The following FAM3B variants were observed in gnomAD, a reference collection of about 807,000 sequenced individuals.
FAM3B encodes FAM3 metabolism regulating signaling molecule B.
In FAM3B, 29 loss-of-function variants were observed where a neutral mutation model predicts 28.4. The ratio of observed to expected loss-of-function variants is 1.02; its 90% confidence interval spans 0.76 to 1.39. The LOEUF (loss-of-function observed/expected upper bound fraction) is 1.39. FAM3B is among the 40% of genes most tolerant of loss of function. The pLI, the probability that FAM3B is intolerant of heterozygous loss-of-function variation, is 0.00. For missense variants in FAM3B, 266 were observed against 293.9 expected (o/e 0.91, Z 0.69); for synonymous variants, 91 against 103.0 (o/e 0.88, Z 0.71).
chr21:41,304,245 C>A (rs375799000), exon 1 of FAM3B: 1 of 455,758 alleles, frequency 2.2e-6, no homozygotes, highest in Non-Finnish European at 4.4e-6. Context: ...CTGGGCTCGG[C>A]GGGCATGGCT....
intron 1 of FAM3B, chr21:41,319,472 CT>C (rs2088781790): frequency 6.6e-6 from 1 of 152,254 alleles, no homozygotes; most frequent in Non-Finnish European, 1.5e-5. Flanking sequence ...AGGCAGGATC[CT>C]GGTTTCAAAA....
chr21:41,311,802 A>G (rs1195151764), upstream of FAM3B, among the ~76,000 whole-genome samples: 2 of 152,168 alleles, frequency 1.3e-5, no homozygotes, highest in Non-Finnish European at 2.9e-5. Flanking sequence ...AATTGTGTGT[A>G]TTAGTCCATT....
intron 2 of FAM3B, among the ~76,000 whole-genome samples, chr21:41,324,452 G>C (rs950532433): frequency 6.6e-6 from 1 of 152,170 alleles, no homozygotes; most frequent in African/African-American, 2.4e-5. Flanking sequence ...CACAGGAACA[G>C]GGAAGAAACA....
At chr21:41,335,461 A>C (rs972226152) in intron 2 of FAM3B, among the ~76,000 whole-genome samples, 2 of 152,078 alleles carry the variant, frequency 1.3e-5, no homozygotes, top group African/African-American at 4.8e-5. Context: ...GTGAATTTTC[A>C]TGAGACGTGG....
chr21:41,320,164 A>C (rs2088789167), intron 1 of FAM3B: 1 of 152,172 alleles, frequency 6.6e-6, no homozygotes, highest in African/African-American at 2.4e-5. Context: ...GCTGGAGTGC[A>C]ATATTGCAAT....
intron 1 of FAM3B, among the ~76,000 whole-genome samples, chr21:41,307,551 A>C (rs1388603387): frequency 1.3e-5 from 2 of 152,220 alleles, no homozygotes; most frequent in African/African-American, 4.8e-5. Context: ...TGCCTTCCTC[A>C]CTAAGCTTAA....
chr21:41,333,478 T>C (rs388656), intron 2 of FAM3B, among the ~76,000 whole-genome samples: 16,791 of 152,282 alleles, frequency 0.11, 1,701 homozygotes, highest in African/African-American at 0.27. Context: ...CTCTTGTTTC[T>C]GCTCTGGCCA....
chr21:41,316,292 A>G (rs1287383586), upstream of FAM3B, among the ~76,000 whole-genome samples: 5 of 152,176 alleles, frequency 3.3e-5, no homozygotes, highest in Admixed American at 3.3e-4. Flanking sequence ...TGAATTCATC[A>G]TCCTGGCAGT....
At chr21:41,320,619 G>C (rs770504854) in intron 1 of FAM3B, 1 of 152,212 alleles carries the variant, frequency 6.6e-6, no homozygotes, top group Admixed American at 6.6e-5. Context: ...ATGATGTCCC[G>C]ATCCCAGTGC....
intron 3 of FAM3B, among the ~76,000 whole-genome samples, chr21:41,342,566 A>C (rs1170375686): frequency 6.6e-6 from 1 of 152,126 alleles, no homozygotes; most frequent in East Asian, 1.9e-4. Context: ...GTTGTTTTCC[A>C]TTCACTAATT....
chr21:41,334,099 G>A (rs560587215), intron 2 of FAM3B, among the ~76,000 whole-genome samples: 3 of 152,232 alleles, frequency 2.0e-5, no homozygotes, highest in South Asian at 4.1e-4. Flanking sequence ...AATAACCTGC[G>A]CTTATAAGTG....
chr21:41,356,040 TACACACACACACACACACACACACAC>T (rs59345837), intron 7 of FAM3B, among the ~76,000 whole-genome samples: 1 of 119,888 alleles, frequency 8.3e-6, no homozygotes, highest in Non-Finnish European at 1.8e-5. Flanking sequence ...AAAAAATACA[TACACACACACACACACACACACACAC>T]ACACACACAC....
At chr21:41,306,227 C>T (rs1040023665) in intron 1 of FAM3B, among the ~76,000 whole-genome samples, 1 of 152,194 alleles carries the variant, frequency 6.6e-6, no homozygotes. Context: ...TTTGCTGTAA[C>T]TGAAGTTACA....
At chr21:41,341,080 T>G (rs1568919980) in intron 3 of FAM3B, among the ~76,000 whole-genome samples, 1 of 152,242 alleles carries the variant, frequency 6.6e-6, no homozygotes, top group Admixed American at 6.5e-5. Flanking sequence ...TTTATATCCT[T>G]TCTTACATAA....
At chr21:41,348,865 C>T (rs947083314) in intron 7 of FAM3B, 141 bp downstream of exon 7, 26 of 919,442 alleles carry the variant, frequency 2.8e-5, no homozygotes, top group East Asian at 5.1e-5. Context: ...GCATTAGATC[C>T]GGACAGAAGT....
intron 3 of FAM3B, among the ~76,000 whole-genome samples, chr21:41,342,940 TGAG>T (rs1417265371): frequency 6.6e-6 from 1 of 152,246 alleles, no homozygotes; most frequent in Non-Finnish European, 1.5e-5. Flanking sequence ...TATCTTCTTC[TGAG>T]GAATTATCTT....
chr21:41,357,284 C>G lies in FAM3B; in HGVS notation c.*87C>G, dbSNP rs1269929944. On this transcript the variant is annotated 3_prime_UTR_variant, in exon 8 of 8. Coordinates refer to ENST00000357985, the MANE Select transcript of FAM3B (RefSeq NM_058186.4). ...ATCTTATTTTTCTAAATCCAACAGCCCATATTTGATGAGTATTTTGGGTTT... is the reference window on the plus strand; with the variant it reads ...ATCTTATTTTTCTAAATCCAACAGCGCATATTTGATGAGTATTTTGGGTTT... 2.2e-6 allele frequency: 2 copies of G among 890,288 alleles called. No individual in the cohort carries two copies. Among genetic ancestry groups the G allele is most frequent in the Non-Finnish European group, 3.4e-6 (2 of 584,040 alleles). The allele number at this position is 890,288 out of a possible 1,614,324, so 55.1% of individuals were successfully genotyped here.
At chr21:41,314,107 G>A (rs188078344), upstream of FAM3B, among the ~76,000 whole-genome samples, 262 of 152,342 alleles carry the variant, frequency 1.7e-3, 4 homozygotes, top group Non-Finnish European at 2.9e-3. Context: ...AGGCTCAGAT[G>A]AGGTCATGAA....
chr21:41,343,123 C>T (rs978478924), intron 3 of FAM3B, among the ~76,000 whole-genome samples: 7 of 152,190 alleles, frequency 4.6e-5, no homozygotes, highest in Admixed American at 4.6e-4. Flanking sequence ...GACCCCAGGC[C>T]AAATAAGATG....
Sources: gnomAD v4.1 joint callset for allele counts (sites outside exome capture counted in the v4.1 genomes callset) on GRCh38, gnomAD v4.1.1 for gene constraint, MANE v1.5 for transcripts, NCBI Gene and HGNC (gene_info 2026-07-23, HGNC 2026-07-21) for gene names.